NODAL: variants seen among roughly 807,000 people sequenced by gnomAD.
The protein encoded by NODAL is nodal growth differentiation factor.
In NODAL, 12 loss-of-function variants were observed where a neutral mutation model predicts 34.0. The observed-to-expected ratio is 0.35, with a 90% CI of 0.23 to 0.57. NODAL has a LOEUF of 0.57. Ranked by LOEUF, NODAL falls within the 20% of genes least tolerant of loss-of-function variation. The pLI is 0.83. For synonymous variants in NODAL, 162 were observed against 186.4 expected (o/e 0.87, Z 1.07); for missense variants, 390 against 444.2 (o/e 0.88, Z 1.10).
At chr10:70,437,760 C>T (rs1845375032) in intron 1 of NODAL, among the ~76,000 whole-genome samples, 1 of 152,144 alleles carries the variant, frequency 6.6e-6, no homozygotes, top group South Asian at 2.1e-4. Flanking sequence ...TCTGGGAAAT[C>T]CAGCTTGTAT....
At chr10:70,443,992 G>A (rs1312973927), upstream of NODAL, among the ~76,000 whole-genome samples, 2 of 145,646 alleles carry the variant, frequency 1.4e-5, no homozygotes, top group African/African-American at 5.1e-5. Context: ...GAGTGCAATG[G>A]CACGACCTTG....
At chr10:70,433,927 C>CAA (rs138991712) in intron 2 of NODAL, among the ~76,000 whole-genome samples, 1,535 of 152,142 alleles carry the variant, frequency 0.01, 23 homozygotes, top group African/African-American at 0.035. Flanking sequence ...ATCAGAGTGT[C>CAA]AGAGTTGGCA....
At chr10:70,445,732 T>G (rs943547573), upstream of NODAL, among the ~76,000 whole-genome samples, 4 of 152,138 alleles carry the variant, frequency 2.6e-5, no homozygotes, top group African/African-American at 9.7e-5. Flanking sequence ...AATTTACAAG[T>G]GGAAACAGCC....
Position 70,441,543 on chromosome 10 carries a change from G to C in NODAL, c.125C>G (p.Ala42Gly), listed in dbSNP as rs146471900. The C allele has an allele frequency of 1.3e-6, 2 of 1,592,922 alleles. No homozygotes were observed. The highest frequency in any genetic ancestry group is 1.7e-5 in the Admixed American group (1 of 57,152). Residue 42 changes from alanine to glycine, a missense_variant, in exon 1 of 3, where the codon GCG becomes GGG. Physicochemically the swap from Ala to Gly is moderately conservative, Grantham distance 60. Coordinates refer to ENST00000287139, the MANE Select transcript of NODAL (RefSeq NM_018055.5). ...GTCGCGGTAGAGGCTCAGCATGTAC[G>C]CCAGAGGGGATGGCGACGAGGGCTG... ...RGQPSSPSPL[A>G]YMLSLYRDPL... is the part of the protein sequence containing the mutation.
At chr10:70,442,808 G>C (rs908869043), upstream of NODAL, among the ~76,000 whole-genome samples, 14 of 152,190 alleles carry the variant, frequency 9.2e-5, no homozygotes, top group Admixed American at 9.2e-4. Context: ...TGCTGGCCAG[G>C]CACGGTGGCT....
At chr10:70,440,825 C>A (rs969576738) in intron 1 of NODAL, among the ~76,000 whole-genome samples, 5 of 152,206 alleles carry the variant, frequency 3.3e-5, no homozygotes, top group Non-Finnish European at 7.4e-5. Flanking sequence ...CAGTTCGCGA[C>A]TTCGGGACAG....
chr10:70,437,432 ACT>A (rs1044976366), intron 1 of NODAL, among the ~76,000 whole-genome samples: 14 of 152,216 alleles, frequency 9.2e-5, no homozygotes, highest in Admixed American at 2.6e-4. Flanking sequence ...CAAGAGCGAA[ACT>A]CTGTCTCAAC....
At chr10:70,442,932 A>G (rs1845448303), upstream of NODAL, among the ~76,000 whole-genome samples, 1 of 152,044 alleles carries the variant, frequency 6.6e-6, no homozygotes, top group Non-Finnish European at 1.5e-5. Flanking sequence ...AAAAATACAA[A>G]AATGAGCCAG....
At position 70,435,618 on chromosome 10, in the gene NODAL, G is replaced by C. The variant is rs1398071682; in HGVS notation, c.559C>G (p.Pro187Ala). ...ATAAGGAGCACATTGGTGGCAGGCG[G>C]TGTGGGGGGCCGCGGCCAGCACTCT... ...AGECWPRPPT[P>A]PATNVLLMLY... is the part of the protein sequence containing the mutation. The change falls in exon 2 of 3, where the codon CCG becomes GCG. Residue 187 changes from proline (P) to alanine (A), a missense_variant. Transcript: ENST00000287139. 2 of 1,613,990 alleles carry C rather than the reference G, an allele frequency of 1.2e-6. No homozygotes were observed. The highest frequency in any genetic ancestry group is 3.3e-5 in the Admixed American group (2 of 60,022).
chr10:70,447,943 C>G (rs771151835), exon 1 of NODAL: 48 of 471,048 alleles, frequency 1.0e-4, no homozygotes, highest in South Asian at 6.5e-4. Context: ...GTATCCCCAA[C>G]TGTTGGTCTT....
upstream of NODAL, among the ~76,000 whole-genome samples, chr10:70,444,653 T>C (rs1471810802): frequency 6.6e-6 from 1 of 152,210 alleles, no homozygotes; most frequent in Non-Finnish European, 1.5e-5. Context: ...CAGCCAACTT[T>C]GGGACCCACA....
chr10:70,437,444 CAAA>C (rs1035978702), intron 1 of NODAL, among the ~76,000 whole-genome samples: 20 of 152,116 alleles, frequency 1.3e-4, no homozygotes, highest in Admixed American at 5.2e-4. Context: ...TCTGTCTCAA[CAAA>C]AACAACAACA....
Position 70,432,214 on chromosome 10 carries a change from C to G in NODAL, c.*722G>C, listed in dbSNP as rs2279254. The G allele has an allele frequency of 0.44, 67,349 of 153,198 alleles. 15,829 individuals carry two copies. Among genetic ancestry groups the G allele is most frequent in the East Asian group, 0.66 (3,430 of 5,188 alleles). 9.5% of individuals were successfully genotyped at this position (153,198 alleles called of 1,614,324 possible). On this transcript the variant is annotated 3_prime_UTR_variant, in exon 3 of 3. Coordinates refer to ENST00000287139, the MANE Select transcript of NODAL (RefSeq NM_018055.5). ...TTTAACAAACTCAGGCTGTGTCTGC[C>G]GAAGCAGACTGACGCAGGGATGTCT...
Position 70,432,815 on chromosome 10 carries a change from G to A in NODAL, c.*121C>T. On this transcript the variant is annotated 3_prime_UTR_variant, in exon 3 of 3. Coordinates refer to ENST00000287139, the MANE Select transcript of NODAL (RefSeq NM_018055.5). ...GGGCAGCCCCTCCTCTTCAGTTCTG[G>A]TGGGCAGAGCAACTTTGCCCCTCTC... The A allele has an allele frequency of 8.5e-7, 1 of 1,174,928 alleles. No homozygotes were observed. The highest frequency in any genetic ancestry group is 2.3e-5 in the East Asian group (1 of 42,702). 72.8% of individuals were successfully genotyped at this position (1,174,928 alleles called of 1,614,324 possible).
At chr10:70,443,796 G>A (rs1177012610), upstream of NODAL, among the ~76,000 whole-genome samples, 2 of 151,854 alleles carry the variant, frequency 1.3e-5, no homozygotes, top group South Asian at 2.1e-4. Context: ...TCAAGATTGC[G>A]CCATTGCACT....
intron 2 of NODAL, 116 bp downstream of exon 2, chr10:70,435,170 T>TG (rs2132214525): frequency 1.1e-6 from 1 of 895,650 alleles, no homozygotes; most frequent in African/African-American, 1.6e-5. Flanking sequence ...CCTGGTACAT[T>TG]GGAGGTGCTT....
chr10:70,438,889 A>G (rs142423864), intron 1 of NODAL, among the ~76,000 whole-genome samples: 68 of 152,330 alleles, frequency 4.5e-4, no homozygotes, highest in African/African-American at 1.6e-3. Context: ...ACATCCAAAT[A>G]CAACAAATGT....
Position 70,432,832 on chromosome 10 carries a change from G to C in NODAL, c.*104C>G. ...CAGTTCTGGTGGGCAGAGCAACTTTGCCCCTCTCTGTTTCTCCTTACTGGA... is the reference window on the plus strand; with the variant it reads ...CAGTTCTGGTGGGCAGAGCAACTTTCCCCCTCTCTGTTTCTCCTTACTGGA... On this transcript the variant is annotated 3_prime_UTR_variant, in exon 3 of 3. Coordinates refer to ENST00000287139, the MANE Select transcript of NODAL (RefSeq NM_018055.5). The C allele has an allele frequency of 1.5e-6, 2 of 1,369,778 alleles. No homozygotes were observed. Among genetic ancestry groups the C allele is most frequent in the Non-Finnish European group, 2.1e-6 (2 of 964,874 alleles). 84.9% of individuals were successfully genotyped at this position (1,369,778 alleles called of 1,614,324 possible).
At chr10:70,440,755 C>G (rs1235418185) in intron 1 of NODAL, among the ~76,000 whole-genome samples, 1 of 152,218 alleles carries the variant, frequency 6.6e-6, no homozygotes, top group Non-Finnish European at 1.5e-5. Flanking sequence ...GGCCCCGAAC[C>G]CGGGGTTAAG....
Sources: allele counts gnomAD v4.1 joint callset (sites outside exome capture counted in the v4.1 genomes callset), GRCh38; gene constraint gnomAD v4.1.1; transcripts MANE v1.5; gene names NCBI Gene and HGNC (gene_info 2026-07-23, HGNC 2026-07-21).